EEF2K: variants seen among roughly 807,000 people sequenced by gnomAD.
EEF2K encodes alternative protein EEF2K.
Under a neutral mutation model 93.8 loss-of-function variants are expected in EEF2K, and 70 were observed. The observed-to-expected ratio is 0.75, with a 90% CI of 0.62 to 0.91. EEF2K has a LOEUF of 0.91. EEF2K is among the 40% of genes least tolerant of loss of function. The pLI is 0.00. For synonymous variants in EEF2K, 376 were observed against 380.8 expected, an observed-to-expected ratio of 0.99 and a Z score of 0.15; for missense variants, 935 against 972.9, an observed-to-expected ratio of 0.96 and a Z score of 0.52.
chr16:22,213,752 C>T (rs1425499232), intron 1 of EEF2K, among the ~76,000 whole-genome samples: 1 of 152,160 alleles, frequency 6.6e-6, no homozygotes, highest in Non-Finnish European at 1.5e-5. Flanking sequence ...CTCCTGGCCC[C>T]TCCCTTCCAT....
intron 2 of EEF2K, among the ~76,000 whole-genome samples, chr16:22,236,576 A>G (rs2047169998): frequency 1.3e-5 from 2 of 152,070 alleles, no homozygotes; most frequent in Admixed American, 6.6e-5. Context: ...CAGGTGATAA[A>G]GGCTTGGGTG....
intron 1 of EEF2K, among the ~76,000 whole-genome samples, chr16:22,220,887 G>A (rs1285726755): frequency 2.6e-5 from 4 of 152,318 alleles, no homozygotes; most frequent in Non-Finnish European, 4.4e-5. Flanking sequence ...CTGGCACCAC[G>A]CCGTGTTGGT....
At chr16:22,207,231 C>T (rs1167764504) in intron 1 of EEF2K, among the ~76,000 whole-genome samples, 1 of 152,182 alleles carries the variant, frequency 6.6e-6, no homozygotes, top group Non-Finnish European at 1.5e-5. Context: ...GGGGGCCTCC[C>T]GGGTAAGCCC....
intron 2 of EEF2K, among the ~76,000 whole-genome samples, chr16:22,232,412 G>T (rs1381504452): frequency 6.6e-6 from 1 of 151,352 alleles, no homozygotes; most frequent in African/African-American, 2.4e-5. Flanking sequence ...TTTTTTTTTG[G>T]AACGATGGGG....
At chr16:22,264,951 T>G in intron 13 of EEF2K, 71 bp downstream of exon 13, 6 of 1,559,448 alleles carry the variant, frequency 3.8e-6, no homozygotes, top group Non-Finnish European at 5.3e-6. Context: ...CTGTTTCTCC[T>G]GTCTCATATC....
intron 15 of EEF2K, 45 bp downstream of exon 15, chr16:22,266,921 G>T (rs1192687094): frequency 6.4e-7 from 1 of 1,561,714 alleles, no homozygotes; most frequent in Non-Finnish European, 8.7e-7. Context: ...GGTGGGACTT[G>T]GTCACCCTGT....
intron 12 of EEF2K, 71 bp downstream of exon 12, chr16:22,263,258 C>T: frequency 1.4e-6 from 2 of 1,438,044 alleles, no homozygotes; most frequent in South Asian, 2.5e-5. Context: ...AATGAAAACT[C>T]CCCTTCCTGG....
intron 16 of EEF2K, among the ~76,000 whole-genome samples, chr16:22,274,426 A>G (rs906510811): frequency 1.3e-5 from 2 of 150,444 alleles, no homozygotes; most frequent in Non-Finnish European, 3.0e-5. Context: ...CCTGGGGTAC[A>G]GAGCAAGATT....
Position 22,261,372 on chromosome 16 carries a change from CAA to C in EEF2K, c.1299+851_1299+852del, listed in dbSNP as rs571599677. 3.4e-3 allele frequency among the ~76,000 whole-genome samples: 510 copies of C among 147,914 alleles called. 5 individuals are homozygous for C. Among genetic ancestry groups the C allele is most frequent in the African/African-American group, 0.012 (485 of 40,188 alleles). ...CCTGGGTGACAGCGAGATCTTGTCT[CAA>C]AAAAAAAGAAAAAACAAATACCTTT... On this transcript the variant is annotated intron_variant, in intron 11 of 17. Coordinates refer to ENST00000263026, the MANE Select transcript of EEF2K (RefSeq NM_013302.5).
intron 4 of EEF2K, 44 bp downstream of exon 4, chr16:22,248,859 A>T: frequency 1.9e-6 from 3 of 1,596,832 alleles, no homozygotes; most frequent in Non-Finnish European, 1.7e-6. Context: ...CTGAGCAAAG[A>T]CTTTCTGCAG....
intron 6 of EEF2K, 135 bp from the exon 7 acceptor site, chr16:22,256,613 A>G (rs1598191511): frequency 1.0e-6 from 1 of 982,512 alleles, no homozygotes; most frequent in Non-Finnish European, 1.4e-6. Context: ...AGGAGCTCCT[A>G]CAATAGAGAG....
intron 13 of EEF2K, among the ~76,000 whole-genome samples, chr16:22,265,831 A>C (rs1279967101): frequency 6.6e-6 from 1 of 152,172 alleles, no homozygotes; most frequent in Admixed American, 6.6e-5. Context: ...GATGTTGCTC[A>C]TGTCGTTGTG....
intron 2 of EEF2K, among the ~76,000 whole-genome samples, chr16:22,235,317 T>C (rs2047157384): frequency 6.6e-6 from 1 of 151,910 alleles, no homozygotes; most frequent in Non-Finnish European, 1.5e-5. Flanking sequence ...ATTTTGTTGC[T>C]ACTGTAGAAT....
chr16:22,225,841 T>G lies in EEF2K; in HGVS notation c.112T>G (p.Phe38Val), dbSNP rs756982467. 6.2e-7 allele frequency: 1 copy of G among 1,614,110 alleles called. No individual in the cohort carries two copies. The highest frequency in any genetic ancestry group is 1.3e-5 in the African/African-American group (1 of 74,940). Residue 38 changes from phenylalanine to valine, a missense_variant, in exon 2 of 18, where the codon TTC (phenylalanine) becomes GTC (valine). Physicochemically the swap from Phe to Val is conservative, Grantham distance 50. Coordinates refer to ENST00000263026, the MANE Select transcript of EEF2K (RefSeq NM_013302.5). ...DGDSDDEEGY[F>V]ICPITDDPSS... ...GGACAGCGACGATGAGGAAGGTTAC[T>G]TCATCTGCCCCATCACGGATGACCC...
At chr16:22,275,270 A>G (rs1018949595) in intron 16 of EEF2K, among the ~76,000 whole-genome samples, 1 of 151,800 alleles carries the variant, frequency 6.6e-6, no homozygotes, top group Non-Finnish European at 1.5e-5. Flanking sequence ...AGTTCTTTAT[A>G]TATTAAAGCT....
In EEF2K at chr16:22,225,642, C is replaced by T. The variant is rs1463716226; in HGVS notation, c.-76-12C>T. Reference sequence around the variant, plus strand: ...CCCAGCACCCACTCTCTGGCCCTTGCTTTCCTTGTAGGACCTTCGCCTCTG... The same window carrying T: ...CCCAGCACCCACTCTCTGGCCCTTGTTTTCCTTGTAGGACCTTCGCCTCTG... On this transcript the variant is annotated splice_polypyrimidine_tract_variant and intron_variant, in intron 1 of 17. Coordinates refer to ENST00000263026, the MANE Select transcript of EEF2K (RefSeq NM_013302.5). 19 of 1,546,910 alleles carry T rather than the reference C, an allele frequency of 1.2e-5. No individual in the cohort carries two copies. In the Admixed American group the frequency reaches 1.3e-4, roughly 11 times the overall value.
At chr16:22,248,935 A>G in intron 4 of EEF2K, 120 bp downstream of exon 4, 4 of 801,768 alleles carry the variant, frequency 5.0e-6, no homozygotes, top group Non-Finnish European at 7.5e-6. Flanking sequence ...ACTTCGGGGG[A>G]TTCTTTGTTA....
intron 1 of EEF2K, among the ~76,000 whole-genome samples, chr16:22,220,633 C>T: frequency 6.6e-6 from 1 of 152,124 alleles, no homozygotes; most frequent in African/African-American, 2.4e-5. Flanking sequence ...TTCGTAGAGA[C>T]AGGATTTCGC....
chr16:22,266,513 A>G lies in EEF2K; in HGVS notation c.1564A>G (p.Ile522Val), dbSNP rs1307616587. ...LDLEKKIGKS[I>V]LGKVHLAMVR... ...CCTCGAAAAGAAAATCGGGAAGTCC[A>G]TTTTGGGGAAGGTATCGGCGATGCC... The change falls in exon 14 of 18, where the codon ATT becomes GTT. Residue 522 changes from isoleucine (I) to valine (V), a missense_variant. Physicochemically the swap from Ile to Val is conservative, Grantham distance 29 (BLOSUM62 3). Coordinates refer to ENST00000263026, the MANE Select transcript of EEF2K (RefSeq NM_013302.5). 3 of 1,614,206 alleles carry G rather than the reference A, an allele frequency of 1.9e-6. No individual in the cohort carries two copies. The highest frequency in any genetic ancestry group is 2.5e-6 in the Non-Finnish European group (3 of 1,180,026).
Sources: allele counts gnomAD v4.1 joint callset (sites outside exome capture counted in the v4.1 genomes callset), GRCh38; gene constraint gnomAD v4.1.1; transcripts MANE v1.5; gene names NCBI Gene and HGNC (gene_info 2026-07-23, HGNC 2026-07-21).